The following RYR3 variants were observed in gnomAD, a reference collection of about 807,000 sequenced individuals.
The protein encoded by RYR3 is brain ryanodine receptor-calcium release channel.
RYR3 carries 207 observed loss-of-function variants against 584.3 expected under a neutral mutation model. The ratio of observed to expected loss-of-function variants is 0.35; its 90% CI spans 0.32 to 0.40. The LOEUF (loss-of-function observed/expected upper bound fraction) is 0.40, where lower values mean the gene tolerates loss of function less well. Ranked by LOEUF, RYR3 falls within the 10% of genes least tolerant of loss-of-function variation. The pLI is 1.00. For synonymous variants in RYR3, 2,416 were observed against 2,248.5 expected, an observed-to-expected ratio of 1.07 and a Z score of -2.11; for missense variants, 5,616 against 6,089.2, an observed-to-expected ratio of 0.92 and a Z score of 2.59.
At chr15:33,774,386 A>G (rs1231759450) in intron 64 of RYR3, among the ~76,000 whole-genome samples, 1 of 152,218 alleles carries the variant, frequency 6.6e-6, no homozygotes, top group Non-Finnish European at 1.5e-5. Context: ...TGTGCTTACA[A>G]TTACTTAATC....
At chr15:33,632,907 T>G (rs775334931) in intron 23 of RYR3, 42 bp from the exon 24 acceptor site, 7 of 1,558,422 alleles carry the variant, frequency 4.5e-6, no homozygotes, top group Non-Finnish European at 6.1e-6. Flanking sequence ...GAGAAACTCA[T>G]GGAGATCTGT....
chr15:33,726,637 C>T, intron 46 of RYR3, 131 bp downstream of exon 46: 1 of 937,296 alleles, frequency 1.1e-6, no homozygotes. Context: ...AAGTGTCTCA[C>T]TCTTTTTCCT....
chr15:33,703,931 A>G (rs1448449607), intron 42 of RYR3, among the ~76,000 whole-genome samples: 2 of 152,168 alleles, frequency 1.3e-5, no homozygotes, highest in Admixed American at 1.3e-4. Flanking sequence ...CAAACAACCC[A>G]ATACCATAAT....
At chr15:33,841,299 A>G (rs776328470) in intron 90 of RYR3, among the ~76,000 whole-genome samples, 3 of 152,212 alleles carry the variant, frequency 2.0e-5, no homozygotes, top group Non-Finnish European at 4.4e-5. Context: ...AGAAAACTTG[A>G]TATCTGTCAA....
chr15:33,849,631 A>G (rs1209095074), intron 94 of RYR3: 2 of 152,210 alleles, frequency 1.3e-5, no homozygotes, highest in Admixed American at 1.3e-4. Flanking sequence ...GTGGCAAAAG[A>G]AAAGAAATAG....
rs1223629645 is a variant in RYR3 at position 33,737,407 on chromosome 15, C to T, written c.7516-1043C>T. On this transcript the variant is annotated intron_variant, in intron 49 of 103. Coordinates refer to ENST00000634891, the MANE Select transcript of RYR3 (RefSeq NM_001036.6). ...TTTTTTACCTTTTATCTCTGAGGCA[C>T]CTGCCATATTCCCATATGCAAAAGT... Among the ~76,000 whole-genome samples, 5 of 152,220 alleles carry T rather than the reference C, an allele frequency of 3.3e-5. No individual in the cohort carries two copies. The East Asian group carries it at 5.8e-4, about 18-fold the overall frequency.
intron 87 of RYR3, among the ~76,000 whole-genome samples, chr15:33,836,165 TTTTA>T (rs1177936798): frequency 7.5e-5 from 10 of 133,534 alleles, no homozygotes; most frequent in Admixed American, 3.3e-4. Flanking sequence ...TTTGCTTTTT[TTTTA>T]TTATTATTTC....
At chr15:33,531,643 A>AT (rs1314655545) in intron 4 of RYR3, among the ~76,000 whole-genome samples, 3 of 103,010 alleles carry the variant, frequency 2.9e-5, no homozygotes, top group South Asian at 7.3e-4. Flanking sequence ...ATATATATAT[A>AT]TATATTTTTT....
chr15:33,530,744 A>G, intron 4 of RYR3, 78 bp downstream of exon 4: 2 of 1,045,876 alleles, frequency 1.9e-6, no homozygotes, highest in South Asian at 2.6e-5. Context: ...GAAGCCAGCA[A>G]TAACAACGTA....
intron 74 of RYR3, among the ~76,000 whole-genome samples, chr15:33,814,857 C>G (rs926241308): frequency 6.8e-6 from 1 of 147,370 alleles, no homozygotes; most frequent in Non-Finnish European, 1.5e-5. Context: ...GCTGAGATCA[C>G]GCTACTGCAC....
At chr15:33,581,838 G>A (rs962111774) in intron 14 of RYR3, among the ~76,000 whole-genome samples, 195 bp downstream of exon 14, 8 of 152,158 alleles carry the variant, frequency 5.3e-5, no homozygotes, top group African/African-American at 1.7e-4. Context: ...GGAAGCAGAT[G>A]ATAATCAGTT....
chr15:33,361,486 G>A (rs1330101779), intron 1 of RYR3, among the ~76,000 whole-genome samples: 1 of 152,170 alleles, frequency 6.6e-6, no homozygotes, highest in East Asian at 1.9e-4. Context: ...AAGAGAATGA[G>A]GAAGAGTGAA....
chr15:33,529,449 G>T (rs1002772084), intron 3 of RYR3, among the ~76,000 whole-genome samples: 3 of 152,162 alleles, frequency 2.0e-5, no homozygotes, highest in Non-Finnish European at 4.4e-5. Flanking sequence ...GCTCATTGGT[G>T]TGGTTGCAGG....
Position 33,683,851 on chromosome 15 carries a change from G to A in RYR3, c.5861-12367G>A, listed in dbSNP as rs752213497. Among the ~76,000 whole-genome samples the A allele has an allele frequency of 1.3e-4, 20 of 152,370 alleles. No individual in the cohort carries two copies. The South Asian group carries it at 1.7e-3, about 13-fold the overall frequency. ...GATTCTCTCCTGTGCCTGCCTCAGC[G>A]GGTCCCAGGCCCACGGAGCCTTGCT... is the stretch of plus-strand genomic sequence containing the variant. On this transcript the variant is annotated intron_variant, in intron 38 of 103. Transcript: ENST00000634891.
intron 64 of RYR3, among the ~76,000 whole-genome samples, chr15:33,777,623 T>C (rs919146655): frequency 6.6e-6 from 1 of 152,102 alleles, no homozygotes; most frequent in Non-Finnish European, 1.5e-5. Context: ...GGTTTGTTAG[T>C]AATTAAAATA....
At chr15:33,864,261 G>C (rs1233767458) in intron 103 of RYR3, 72 bp downstream of exon 103, 2 of 1,217,160 alleles carry the variant, frequency 1.6e-6, no homozygotes, top group East Asian at 2.4e-5. Flanking sequence ...TAGGGCATAG[G>C]TTATCTGAAA....
At chr15:33,345,764 G>GA (rs1355203625) in intron 1 of RYR3, among the ~76,000 whole-genome samples, 1 of 152,090 alleles carries the variant, frequency 6.6e-6, no homozygotes, top group Non-Finnish European at 1.5e-5. Flanking sequence ...TTTTAATATG[G>GA]AAAATTTTCC....
chr15:33,786,065 A>G, intron 66 of RYR3, 83 bp downstream of exon 66: 2 of 1,208,192 alleles, frequency 1.7e-6, no homozygotes, highest in Non-Finnish European at 2.3e-6. Flanking sequence ...TAATTCCAAG[A>G]TGGTTTTGCA....
chr15:33,520,569 A>G (rs534750939), intron 3 of RYR3, among the ~76,000 whole-genome samples: 5 of 152,304 alleles, frequency 3.3e-5, no homozygotes, highest in African/African-American at 9.6e-5. Flanking sequence ...TTCTTAATCT[A>G]TTAGCTACAG....
Sources: gnomAD v4.1 joint callset for allele counts (sites outside exome capture counted in the v4.1 genomes callset) on GRCh38, gnomAD v4.1.1 for gene constraint, MANE v1.5 for transcripts, NCBI Gene and HGNC (gene_info 2026-07-23, HGNC 2026-07-21) for gene names.